Variants in NEDD9 observed in about 807,000 individuals in gnomAD.
NEDD9 encodes enhancer of filamentation 1.
Under a neutral mutation model 76.6 loss-of-function variants are expected in NEDD9, and 26 were observed. The observed-to-expected ratio is 0.34, with a 90% CI of 0.25 to 0.47. The LOEUF is 0.47. NEDD9 is among the 20% of genes least tolerant of loss of function. The probability of loss-of-function intolerance (pLI) is 1.00; values close to 1 mark genes in which losing one functional copy is unlikely to be tolerated. For synonymous variants in NEDD9, 392 were observed against 414.2 expected (o/e 0.95, Z 0.65); for missense variants, 937 against 1,058.5 (o/e 0.89, Z 1.59).
chr6:11,377,768 G>A (rs1177681901), intron 1 of NEDD9, among the ~76,000 whole-genome samples: 2 of 152,216 alleles, frequency 1.3e-5, no homozygotes, highest in African/African-American at 4.8e-5. Context: ...TGGGAAGCCA[G>A]GGGCAGAATG....
At chr6:11,356,121 T>C (rs957612367) in intron 1 of NEDD9, among the ~76,000 whole-genome samples, 3 of 152,196 alleles carry the variant, frequency 2.0e-5, no homozygotes, top group East Asian at 1.9e-4. Context: ...GTTTCTCTTG[T>C]ATGTGTTTCA....
intron 1 of NEDD9, among the ~76,000 whole-genome samples, chr6:11,217,205 T>C (rs1383876753): frequency 6.6e-6 from 1 of 152,160 alleles, no homozygotes; most frequent in African/African-American, 2.4e-5. Flanking sequence ...CCATAAACCA[T>C]CTCATTCAAA....
At chr6:11,232,271 C>T (rs951373520) in intron 1 of NEDD9, among the ~76,000 whole-genome samples, 2 of 152,180 alleles carry the variant, frequency 1.3e-5, no homozygotes, top group African/African-American at 4.8e-5. Flanking sequence ...GGTATTTCCC[C>T]GGCAACTTTC....
At chr6:11,369,273 C>CT (rs923750975) in intron 1 of NEDD9, among the ~76,000 whole-genome samples, 18 of 151,534 alleles carry the variant, frequency 1.2e-4, no homozygotes, top group Non-Finnish European at 2.1e-4. Flanking sequence ...TTGCTTAGAA[C>CT]TTTTTTTTTG....
intron 2 of NEDD9, chr6:11,199,184 G>T (rs1758365068): frequency 6.6e-6 from 1 of 152,200 alleles, no homozygotes; most frequent in South Asian, 2.1e-4. Context: ...TTTAGTTCTG[G>T]GGATGTGTGA....
intron 2 of NEDD9, among the ~76,000 whole-genome samples, chr6:11,331,664 C>A (rs561202112): frequency 6.6e-6 from 1 of 152,270 alleles, no homozygotes; most frequent in South Asian, 2.1e-4. Context: ...AAAAACGACC[C>A]CTTGCCATTC....
At chr6:11,284,933 T>C (rs1185422234) in intron 3 of NEDD9, among the ~76,000 whole-genome samples, 2 of 152,152 alleles carry the variant, frequency 1.3e-5, no homozygotes, top group East Asian at 3.8e-4. Flanking sequence ...AGGGAGGTGC[T>C]AGTATTTTCT....
At chr6:11,333,102 C>A (rs1434853028) in intron 2 of NEDD9, among the ~76,000 whole-genome samples, 1 of 151,618 alleles carries the variant, frequency 6.6e-6, no homozygotes, top group African/African-American at 2.4e-5. Flanking sequence ...GAAGGAAGGA[C>A]AATTTTCCCA....
intron 3 of NEDD9, among the ~76,000 whole-genome samples, chr6:11,296,485 C>T (rs528327415): frequency 2.0e-5 from 3 of 152,298 alleles, no homozygotes; most frequent in East Asian, 3.9e-4. Context: ...CATTACCTCT[C>T]TTCATCACAT....
At chr6:11,339,537 G>A (rs1056929013) in intron 1 of NEDD9, among the ~76,000 whole-genome samples, 7 of 152,170 alleles carry the variant, frequency 4.6e-5, no homozygotes, top group Non-Finnish European at 5.9e-5. Flanking sequence ...AGCAGCTTAT[G>A]TCTGTTGTGC....
At chr6:11,360,528 C>T (rs1264151394) in intron 1 of NEDD9, among the ~76,000 whole-genome samples, 1 of 152,008 alleles carries the variant, frequency 6.6e-6, no homozygotes, top group Admixed American at 6.6e-5. Flanking sequence ...TCCCTGGTTG[C>T]TGTTCTCCTG....
At chr6:11,281,369 G>A (rs11964685) in intron 3 of NEDD9, among the ~76,000 whole-genome samples, 2,650 of 152,270 alleles carry the variant, frequency 0.017, 72 homozygotes, top group African/African-American at 0.059. Context: ...TTCTGGGTTC[G>A]TTGAAAAGAT....
rs755426208 is a variant in NEDD9, at chr6:11,190,536, T to C, written c.1333A>G (p.Ile445Val). The change falls in exon 5 of 7, where the codon ATC becomes GTC. Residue 445 changes from isoleucine (I) to valine (V), a missense_variant. Ile to Val is a conservative substitution (Grantham distance 29). Coordinates refer to ENST00000379446, the MANE Select transcript of NEDD9 (RefSeq NM_006403.4). This position sits in a 1 kb window ranked among gnomAD's most constrained non-coding sequence, Gnocchi z 5.8. Reference protein sequence around the residue: ...WRCYGYMERHINEIRTAVDKV... With the variant: ...WRCYGYMERHVNEIRTAVDKV... ...TCCACTGCTGTGCGTATTTCATTGA[T>C]GTGTCTTTCCATATATCCGTAACAC... 1.2e-6 allele frequency: 2 copies of C among 1,614,102 alleles called. No homozygotes were observed. The highest frequency in any genetic ancestry group is 3.3e-5 in the Admixed American group (2 of 60,006).
chr6:11,298,882 C>T (rs566460770), intron 3 of NEDD9, among the ~76,000 whole-genome samples: 7 of 152,166 alleles, frequency 4.6e-5, no homozygotes, highest in South Asian at 2.1e-4. Context: ...CCAAGATGGA[C>T]GAATAGGAAC....
intron 1 of NEDD9, among the ~76,000 whole-genome samples, chr6:11,367,546 A>G (rs948386954): frequency 6.6e-6 from 1 of 152,250 alleles, no homozygotes; most frequent in African/African-American, 2.4e-5. Context: ...TATCAGAGTC[A>G]GATCTATCTG....
intron 2 of NEDD9, among the ~76,000 whole-genome samples, chr6:11,329,230 C>T (rs1026221360): frequency 1.2e-4 from 19 of 152,204 alleles, no homozygotes; most frequent in Admixed American, 2.6e-4. Context: ...AAGAGAGACC[C>T]GGCTTGGGAT....
chr6:11,327,768 G>T (rs1761959659), intron 2 of NEDD9, among the ~76,000 whole-genome samples: 1 of 152,264 alleles, frequency 6.6e-6, no homozygotes, highest in South Asian at 2.1e-4. Context: ...ATGCTAGGGT[G>T]CCTGGACAAA....
At chr6:11,306,450 T>C (rs1761186620) in intron 2 of NEDD9, among the ~76,000 whole-genome samples, 1 of 152,184 alleles carries the variant, frequency 6.6e-6, no homozygotes, top group Non-Finnish European at 1.5e-5. Flanking sequence ...TCGGGTCAAA[T>C]GTGCAGTGGG....
chr6:11,345,926 C>G (rs1190622609), intron 1 of NEDD9, among the ~76,000 whole-genome samples: 2 of 152,230 alleles, frequency 1.3e-5, no homozygotes, highest in African/African-American at 4.8e-5. Context: ...TCCTCGAACA[C>G]AACTTCTGCA....
Sources: gnomAD v4.1 joint callset for allele counts (sites outside exome capture counted in the v4.1 genomes callset) on GRCh38, gnomAD v4.1.1 for gene constraint, Gnocchi (gnomAD v3.1) non-coding constraint, MANE v1.5 for transcripts, NCBI Gene and HGNC (gene_info 2026-07-23, HGNC 2026-07-21) for gene names.